The following LHFPL3 variants were observed in gnomAD, a reference collection of about 807,000 sequenced individuals.
The protein encoded by LHFPL3 is LHFPL tetraspan subfamily member 3.
In LHFPL3, 5 loss-of-function variants were observed where a neutral mutation model predicts 19.3. The observed-to-expected ratio is 0.26, with a 90% CI of 0.14 to 0.54. The LOEUF (loss-of-function observed/expected upper bound fraction) is 0.54, where lower values mean the gene tolerates loss of function less well. Ranked by LOEUF, LHFPL3 falls within the 20% of genes least tolerant of loss-of-function variation. The pLI is 0.94. For missense variants in LHFPL3, 249 were observed against 307.4 expected, an observed-to-expected ratio of 0.81 and a Z score of 1.42; for synonymous variants, 133 against 126.2, an observed-to-expected ratio of 1.05 and a Z score of -0.36.
chr7:104,416,379 A>C (rs927640142), intron 1 of LHFPL3, among the ~76,000 whole-genome samples: 2 of 152,192 alleles, frequency 1.3e-5, no homozygotes, highest in African/African-American at 4.8e-5. Flanking sequence ...GAAGCCAACA[A>C]ATTTCTGTTG....
At chr7:104,484,361 T>A (rs529244643) in intron 1 of LHFPL3, among the ~76,000 whole-genome samples, 6 of 152,146 alleles carry the variant, frequency 3.9e-5, no homozygotes, top group South Asian at 2.1e-4. Flanking sequence ...TTCCATCCCC[T>A]TTCCCTCCTT....
At chr7:104,348,768 A>C (rs1790120085) in intron 1 of LHFPL3, among the ~76,000 whole-genome samples, 1 of 152,208 alleles carries the variant, frequency 6.6e-6, no homozygotes, top group African/African-American at 2.4e-5. Flanking sequence ...GACAAAAGAA[A>C]AAGACTGAAA....
chr7:104,344,277 A>C (rs1375043640), intron 1 of LHFPL3, among the ~76,000 whole-genome samples: 1 of 152,092 alleles, frequency 6.6e-6, no homozygotes, highest in Non-Finnish European at 1.5e-5. Context: ...TTTTTATTTC[A>C]ATAGCTTTTG....
chr7:104,577,401 T>C (rs183711222), intron 1 of LHFPL3, among the ~76,000 whole-genome samples: 1 of 152,242 alleles, frequency 6.6e-6, no homozygotes, highest in East Asian at 1.9e-4. Flanking sequence ...AAATAGTGAT[T>C]AGAAAGAAAG....
intron 2 of LHFPL3, among the ~76,000 whole-genome samples, chr7:104,811,190 CTTTTCTTTT>C (rs1790463437): frequency 7.7e-6 from 1 of 130,426 alleles, no homozygotes; most frequent in Non-Finnish European, 1.7e-5. Flanking sequence ...CTTTTCTTTT[CTTTTCTTTT>C]CTTTTCTTTC....
intron 2 of LHFPL3, among the ~76,000 whole-genome samples, chr7:104,886,398 C>T (rs1792148000): frequency 6.6e-6 from 1 of 152,132 alleles, no homozygotes. Context: ...GACAGTCTTG[C>T]TCTATCGCCA....
chr7:104,362,295 G>A (rs1790401543), intron 1 of LHFPL3, among the ~76,000 whole-genome samples: 1 of 152,158 alleles, frequency 6.6e-6, no homozygotes, highest in East Asian at 1.9e-4. Context: ...CCTCTGAGGC[G>A]CTGTGTGGAA....
intron 1 of LHFPL3, among the ~76,000 whole-genome samples, chr7:104,683,307 C>A (rs942047382): frequency 2.0e-5 from 3 of 152,098 alleles, no homozygotes; most frequent in African/African-American, 4.8e-5. Context: ...AATCTTGTAA[C>A]CTGTTGGTTT....
At chr7:104,526,205 C>A (rs1794186511) in intron 1 of LHFPL3, among the ~76,000 whole-genome samples, 1 of 152,096 alleles carries the variant, frequency 6.6e-6, no homozygotes, top group Non-Finnish European at 1.5e-5. Context: ...GAACTACCAC[C>A]AGAAATTCTA....
chr7:104,633,480 G>A lies in LHFPL3; in HGVS notation c.446-103195G>A, dbSNP rs116897052. 7.6e-4 allele frequency among the ~76,000 whole-genome samples: 116 copies of A among 152,228 alleles called. 2 individuals carry two copies. The highest frequency in any genetic ancestry group is 4.6e-3 in the East Asian group (24 of 5,168). On this transcript the variant is annotated intron_variant, in intron 1 of 2. Coordinates refer to ENST00000424859, the MANE Select transcript of LHFPL3 (RefSeq NM_199000.3). ...ATAGGATGATGACTCTAAGGATTCC[G>A]CAGTTTCTCATCCCCATCAGTTTAG...
chr7:104,380,319 G>A (rs187847652), intron 1 of LHFPL3, among the ~76,000 whole-genome samples: 15 of 152,130 alleles, frequency 9.9e-5, no homozygotes, highest in Admixed American at 2.6e-4. Context: ...AATATATTCA[G>A]CAATGAACAT....
chr7:104,336,681 C>A (rs1305975372), intron 1 of LHFPL3, among the ~76,000 whole-genome samples: 2 of 152,130 alleles, frequency 1.3e-5, no homozygotes, highest in Non-Finnish European at 2.9e-5. Flanking sequence ...TCTCCCCCAC[C>A]CTAATGAAAC....
chr7:104,691,916 A>G (rs1193930683), intron 1 of LHFPL3, among the ~76,000 whole-genome samples: 2 of 152,226 alleles, frequency 1.3e-5, no homozygotes, highest in Non-Finnish European at 2.9e-5. Flanking sequence ...GCTTTGAGCA[A>G]AATGCTGATA....
chr7:104,868,396 T>A (rs1177412560), intron 2 of LHFPL3, among the ~76,000 whole-genome samples: 1 of 152,126 alleles, frequency 6.6e-6, no homozygotes, highest in Admixed American at 6.5e-5. Context: ...GGATACAAAA[T>A]CAATGTGCAA....
chr7:104,456,815 T>C (rs918188116), intron 1 of LHFPL3, among the ~76,000 whole-genome samples: 2 of 152,194 alleles, frequency 1.3e-5, no homozygotes, highest in Non-Finnish European at 2.9e-5. Flanking sequence ...TCTACAACAT[T>C]GGACAAAGAG....
intron 1 of LHFPL3, chr7:104,669,606 T>G (rs555283310): frequency 1.2e-5 from 20 of 1,600,014 alleles, no homozygotes; most frequent in Non-Finnish European, 1.7e-5. Flanking sequence ...TTCTCCTAGT[T>G]TCTCTCCACC....
intron 1 of LHFPL3, among the ~76,000 whole-genome samples, chr7:104,550,930 T>C (rs111950996): frequency 1.3e-5 from 2 of 152,300 alleles, no homozygotes; most frequent in African/African-American, 4.8e-5. Flanking sequence ...AACAATCTTC[T>C]TATCTTCCAA....
chr7:104,406,691 C>T (rs567587472), intron 1 of LHFPL3, among the ~76,000 whole-genome samples: 2 of 152,186 alleles, frequency 1.3e-5, no homozygotes, highest in Non-Finnish European at 2.9e-5. Flanking sequence ...TGGTGCTGCA[C>T]AACAGCCAAG....
At chr7:104,360,499 G>T (rs142404229) in intron 1 of LHFPL3, among the ~76,000 whole-genome samples, 2 of 152,292 alleles carry the variant, frequency 1.3e-5, no homozygotes, top group East Asian at 3.9e-4. Context: ...GGTGAAGTAG[G>T]AGGTTGGGAA....
Sources: allele counts gnomAD v4.1 joint callset (sites outside exome capture counted in the v4.1 genomes callset), GRCh38; gene constraint gnomAD v4.1.1; transcripts MANE v1.5; gene names NCBI Gene and HGNC (gene_info 2026-07-23, HGNC 2026-07-21).